The following PARD3B variants were observed in gnomAD, a reference collection of about 807,000 sequenced individuals.
The protein encoded by PARD3B is par-3 family cell polarity regulator beta, also known as partitioning defective 3 homolog B.
In PARD3B, 103 loss-of-function variants were observed where a neutral mutation model predicts 130.2. The observed-to-expected ratio is 0.79, with a 90% CI of 0.67 to 0.93. The LOEUF (loss-of-function observed/expected upper bound fraction) is 0.93. Ranked by LOEUF, PARD3B falls within the 40% of genes least tolerant of loss-of-function variation. PARD3B has a pLI of 0.00. For missense variants in PARD3B, 1,609 were observed against 1,499.2 expected, an observed-to-expected ratio of 1.07 and a Z score of -1.21; for synonymous variants, 583 against 553.2, an observed-to-expected ratio of 1.05 and a Z score of -0.76.
chr2:205,013,843 A>G (rs1695916345), intron 3 of PARD3B, among the ~76,000 whole-genome samples: 1 of 152,132 alleles, frequency 6.6e-6, no homozygotes, highest in Middle Eastern at 3.2e-3. Context: ...TGTGATCTCT[A>G]CTATCTCAGT....
At chr2:204,996,855 C>A (rs937610924) in intron 3 of PARD3B, among the ~76,000 whole-genome samples, 1 of 147,510 alleles carries the variant, frequency 6.8e-6, no homozygotes, top group Non-Finnish European at 1.5e-5. Flanking sequence ...CAGGTGCGTC[C>A]GTCACCCCTT....
chr2:205,185,777 C>G lies in PARD3B; in HGVS notation c.1938C>G (p.Pro646=). The G allele has an allele frequency of 6.2e-7, 1 of 1,613,836 alleles. No individual in the cohort carries two copies. Reference sequence around the variant, plus strand: ...CTTTGTTTATAGGTCTATTGCTGCCCAATGACGGATGGGCCGAGAGTGAAG... The same window carrying G: ...CTTTGTTTATAGGTCTATTGCTGCCGAATGACGGATGGGCCGAGAGTGAAG... ...PQDKQKGLLL[P]NDGWAESEVP... is the part of the protein sequence containing the mutation. The change falls in exon 14 of 23, where the codon CCC becomes CCG. Residue 646 remains proline (P), a synonymous_variant. Transcript: ENST00000406610.
chr2:205,286,452 G>A (rs751032834), intron 16 of PARD3B, among the ~76,000 whole-genome samples: 3 of 152,050 alleles, frequency 2.0e-5, no homozygotes, highest in Non-Finnish European at 4.4e-5. Context: ...AACTTCCTTA[G>A]ATTCTAAACC....
chr2:205,450,513 G>A (rs1438336226), intron 20 of PARD3B, among the ~76,000 whole-genome samples: 4 of 116,156 alleles, frequency 3.4e-5, no homozygotes, highest in Non-Finnish European at 6.4e-5. Context: ...TCGCACTGTT[G>A]CCTGGGCTGG....
At chr2:205,414,560 T>C (rs970563968) in intron 19 of PARD3B, among the ~76,000 whole-genome samples, 1 of 152,130 alleles carries the variant, frequency 6.6e-6, no homozygotes, top group African/African-American at 2.4e-5. Context: ...ATTATAATAG[T>C]ATGTACCAGT....
intron 3 of PARD3B, among the ~76,000 whole-genome samples, chr2:205,026,791 T>C (rs1285819709): frequency 6.6e-6 from 1 of 152,186 alleles, no homozygotes; most frequent in Non-Finnish European, 1.5e-5. Context: ...TGTCTTTTGG[T>C]GTCTGGCTTA....
chr2:205,206,522 C>T (rs2037320636), intron 15 of PARD3B, among the ~76,000 whole-genome samples: 2 of 150,954 alleles, frequency 1.3e-5, no homozygotes, highest in African/African-American at 2.4e-5. Context: ...CAATTTCATC[C>T]ATGTCCCTAC....
chr2:205,451,838 T>A (rs796561685), intron 20 of PARD3B, among the ~76,000 whole-genome samples: 4 of 152,246 alleles, frequency 2.6e-5, no homozygotes, highest in African/African-American at 9.6e-5. Flanking sequence ...TATACTCTTT[T>A]AGGTATTTTT....
At chr2:205,444,373 G>A (rs777785460) in intron 20 of PARD3B, among the ~76,000 whole-genome samples, 2 of 152,170 alleles carry the variant, frequency 1.3e-5, no homozygotes, top group African/African-American at 4.8e-5. Flanking sequence ...AGGATGGCTT[G>A]AGCCCAGGAG....
At chr2:205,049,500 C>T (rs1699036248) in intron 4 of PARD3B, among the ~76,000 whole-genome samples, 1 of 152,124 alleles carries the variant, frequency 6.6e-6, no homozygotes, top group Admixed American at 6.6e-5. Context: ...GTTTACAATT[C>T]AAGATGTGAT....
Position 205,027,093 on chromosome 2 carries a change from G to A in PARD3B, c.395-20488G>A, listed in dbSNP as rs951789622. 2.0e-5 allele frequency among the ~76,000 whole-genome samples: 3 copies of A among 152,002 alleles called. No homozygotes were observed. The East Asian group carries it at 5.8e-4, about 29-fold the overall frequency. ...CTTTGGATATATGGCTGGACCATAG[G>A]GTACTTATTAATTTACACATTTTTA... On this transcript the variant is annotated intron_variant, in intron 3 of 22. Transcript: ENST00000406610.
intron 2 of PARD3B, among the ~76,000 whole-genome samples, chr2:204,957,244 A>G (rs1690333554): frequency 6.6e-6 from 1 of 152,208 alleles, no homozygotes; most frequent in Non-Finnish European, 1.5e-5. Context: ...GGAACATACT[A>G]CATAATTTCA....
chr2:204,727,629 C>T (rs1359219760), intron 2 of PARD3B, among the ~76,000 whole-genome samples: 1 of 152,188 alleles, frequency 6.6e-6, no homozygotes, highest in Non-Finnish European at 1.5e-5. Context: ...AACAGGCACT[C>T]CGAGGGAGAG....
intron 12 of PARD3B, among the ~76,000 whole-genome samples, chr2:205,172,954 G>A (rs995276119): frequency 2.0e-5 from 3 of 151,946 alleles, no homozygotes; most frequent in African/African-American, 4.8e-5. Context: ...GAGTCTAAGT[G>A]TATGATAGCT....
chr2:204,636,488 G>C (rs1455587407), intron 1 of PARD3B, among the ~76,000 whole-genome samples: 1 of 150,884 alleles, frequency 6.6e-6, no homozygotes, highest in Non-Finnish European at 1.5e-5. Context: ...GTGTGTGTGT[G>C]TGCAGTTATT....
chr2:204,935,373 CAA>C (rs3067765), intron 2 of PARD3B, among the ~76,000 whole-genome samples: 34 of 129,002 alleles, frequency 2.6e-4, no homozygotes, highest in East Asian at 4.7e-4. Flanking sequence ...ACTAAAAATA[CAA>C]AAAAAAAAAA....
intron 1 of PARD3B, among the ~76,000 whole-genome samples, chr2:204,656,552 G>T (rs1225106881): frequency 6.6e-6 from 1 of 152,106 alleles, no homozygotes; most frequent in African/African-American, 2.4e-5. Context: ...ACCTAGAAAT[G>T]TTGAGAGCCA....
chr2:205,409,164 A>T (rs527514262), intron 19 of PARD3B, among the ~76,000 whole-genome samples: 2 of 152,256 alleles, frequency 1.3e-5, no homozygotes, highest in South Asian at 4.1e-4. Context: ...TCTGTTTTTC[A>T]TAGTACTAAC....
intron 1 of PARD3B, among the ~76,000 whole-genome samples, chr2:204,647,470 A>G (rs756188292): frequency 2.0e-5 from 3 of 151,430 alleles, no homozygotes; most frequent in Non-Finnish European, 4.4e-5. Context: ...TCTTATTTGC[A>G]TATTTTTTTG....
Sources: allele counts gnomAD v4.1 joint callset (sites outside exome capture counted in the v4.1 genomes callset), GRCh38; gene constraint gnomAD v4.1.1; transcripts MANE v1.5; gene names NCBI Gene and HGNC (gene_info 2026-07-23, HGNC 2026-07-21).